The following STPG2 variants were observed in gnomAD, a reference collection of about 807,000 sequenced individuals.
The protein encoded by STPG2 is sperm tail PG-rich repeat containing 2, also known as sperm-tail PG-rich repeat-containing protein 2.
In STPG2, 56 loss-of-function variants were observed where a neutral mutation model predicts 54.2. That is an observed-to-expected ratio of 1.03 (90% CI 0.83 to 1.29). STPG2 has a LOEUF of 1.29. Ranked by LOEUF, STPG2 falls within the 50% of genes most tolerant of loss-of-function variation. The pLI is 0.00. For synonymous variants in STPG2, 200 were observed against 181.8 expected (o/e 1.10, Z -0.81); for missense variants, 596 against 544.9 (o/e 1.09, Z -0.93).
At chr4:97,895,233 T>C (rs575790137) in intron 8 of STPG2, among the ~76,000 whole-genome samples, 2 of 151,306 alleles carry the variant, frequency 1.3e-5, no homozygotes, top group African/African-American at 2.4e-5. Flanking sequence ...GCTAAGATAT[T>C]ACCTTTGAAC....
At chr4:97,540,422 C>T (rs1387830125) in intron 4 of STPG2, among the ~76,000 whole-genome samples, 1 of 151,992 alleles carries the variant, frequency 6.6e-6, no homozygotes, top group African/African-American at 2.4e-5. Context: ...AAGACTAAAC[C>T]AGGAAGAAGT....
chr4:97,986,386 A>G (rs1734834549), intron 5 of STPG2, among the ~76,000 whole-genome samples: 1 of 152,166 alleles, frequency 6.6e-6, no homozygotes, highest in South Asian at 2.1e-4. Flanking sequence ...TCCTCTTAGT[A>G]TATTCCTGGG....
At chr4:97,542,287 A>T (rs1250321340) in intron 4 of STPG2, among the ~76,000 whole-genome samples, 1 of 152,134 alleles carries the variant, frequency 6.6e-6, no homozygotes, top group Non-Finnish European at 1.5e-5. Context: ...GCAACAAACA[A>T]CCCCATCAAA....
chr4:97,509,872 A>G (rs1466112143), intron 4 of STPG2, among the ~76,000 whole-genome samples: 1 of 152,046 alleles, frequency 6.6e-6, no homozygotes, highest in African/African-American at 2.4e-5. Context: ...AAAATTTAAG[A>G]ACATTGAAAC....
intron 1 of STPG2, among the ~76,000 whole-genome samples, chr4:98,137,756 T>C (rs1045415189): frequency 1.3e-5 from 2 of 151,800 alleles, no homozygotes; most frequent in African/African-American, 4.8e-5. Context: ...ACACTAGCCA[T>C]GTACTCAACA....
chr4:97,914,828 C>T (rs1464359523), intron 8 of STPG2, among the ~76,000 whole-genome samples: 1 of 152,180 alleles, frequency 6.6e-6, no homozygotes, highest in East Asian at 1.9e-4. Flanking sequence ...GAGCGTTTCC[C>T]ATTTCAGATT....
In STPG2 at chr4:97,972,277, T is replaced by C; in HGVS notation, c.933+3A>G. ...GAATATTATTTTTGTATGAATGTAT[T>C]ACCTGATAATCAGCAGGTCCAGGGG... On this transcript the variant is annotated splice_donor_region_variant and intron_variant, in intron 7 of 10. Transcript: ENST00000295268. 1 of 1,559,262 alleles carries C rather than the reference T, an allele frequency of 6.4e-7. No homozygotes were observed. The highest frequency in any genetic ancestry group is 1.2e-5 in the South Asian group (1 of 83,716).
chr4:97,838,638 G>C (rs1009800525), intron 9 of STPG2, among the ~76,000 whole-genome samples: 1 of 151,296 alleles, frequency 6.6e-6, no homozygotes, highest in Non-Finnish European at 1.5e-5. Flanking sequence ...TCTAGACAAA[G>C]GAAAGTTAAT....
chr4:97,547,467 C>T (rs1731859035), intron 4 of STPG2, among the ~76,000 whole-genome samples: 1 of 152,172 alleles, frequency 6.6e-6, no homozygotes, highest in African/African-American at 2.4e-5. Flanking sequence ...GCCTCGGCCT[C>T]CCAAAGTGCT....
At chr4:98,033,125 AC>A (rs138531934) in intron 5 of STPG2, among the ~76,000 whole-genome samples, 58,839 of 150,772 alleles carry the variant, frequency 0.39, 11,651 homozygotes, top group Middle Eastern at 0.46. Flanking sequence ...ACACACACAC[AC>A]ACAAAAAAAA....
intron 10 of STPG2, chr4:97,633,916 G>C: frequency 6.5e-6 from 1 of 154,730 alleles, no homozygotes; most frequent in East Asian, 1.9e-4. Context: ...GGCTGGGGGA[G>C]GGGCGCCCAC....
chr4:97,630,006 AAATT>A (rs1447119349), intron 10 of STPG2, among the ~76,000 whole-genome samples: 1 of 152,012 alleles, frequency 6.6e-6, no homozygotes. Flanking sequence ...GTTATTAAAT[AAATT>A]AACAATTATC....
At chr4:97,581,436 G>A (rs1017137201) in intron 10 of STPG2, among the ~76,000 whole-genome samples, 16 of 151,972 alleles carry the variant, frequency 1.1e-4, no homozygotes, top group Non-Finnish European at 2.2e-4. Context: ...CTGTAGCTAC[G>A]GAGAACAATG....
intron 9 of STPG2, among the ~76,000 whole-genome samples, chr4:97,839,995 G>A (rs1168141342): frequency 6.6e-6 from 1 of 151,386 alleles, no homozygotes; most frequent in Non-Finnish European, 1.5e-5. Context: ...GTTTTCCTGT[G>A]TAAAATAGCA....
intron 4 of STPG2, among the ~76,000 whole-genome samples, 190 bp from the exon 5 acceptor site, chr4:98,106,254 T>C (rs981577072): frequency 6.6e-6 from 1 of 152,094 alleles, no homozygotes; most frequent in African/African-American, 2.4e-5. Flanking sequence ...TTAGTTATGA[T>C]TTTTTTCCAA....
chr4:97,970,509 A>G (rs1734286661), intron 7 of STPG2, among the ~76,000 whole-genome samples: 1 of 152,224 alleles, frequency 6.6e-6, no homozygotes, highest in Admixed American at 6.5e-5. Context: ...AACACCACAC[A>G]TCTACAACCA....
intron 5 of STPG2, among the ~76,000 whole-genome samples, chr4:98,057,070 T>C (rs928499494): frequency 2.6e-5 from 4 of 152,126 alleles, no homozygotes; most frequent in African/African-American, 9.7e-5. Flanking sequence ...ACCTCAAAGA[T>C]TGAAGGTAGG....
chr4:97,573,646 CAAT>C (rs1356873592), intron 10 of STPG2, among the ~76,000 whole-genome samples: 3 of 151,980 alleles, frequency 2.0e-5, no homozygotes, highest in Non-Finnish European at 2.9e-5. Context: ...CAATTTAAAA[CAAT>C]GATATTTGAA....
At chr4:97,765,214 A>G (rs1006172714) in intron 9 of STPG2, among the ~76,000 whole-genome samples, 1 of 152,188 alleles carries the variant, frequency 6.6e-6, no homozygotes, top group Non-Finnish European at 1.5e-5. Context: ...AACAAAAATA[A>G]TAATAGGCAC....
Sources: gnomAD v4.1 joint callset for allele counts (sites outside exome capture counted in the v4.1 genomes callset) on GRCh38, gnomAD v4.1.1 for gene constraint, MANE v1.5 for transcripts, NCBI Gene and HGNC (gene_info 2026-07-23, HGNC 2026-07-21) for gene names.